STK3: variants seen among roughly 807,000 people sequenced by gnomAD.
STK3 encodes serine/threonine kinase 3.
In STK3, 41 loss-of-function variants were observed where a neutral mutation model predicts 58.0. That is an observed-to-expected ratio of 0.71 (90% CI 0.55 to 0.92). STK3 has a LOEUF of 0.92. STK3 is among the 40% of genes least tolerant of loss of function. The pLI, the probability that STK3 is intolerant of heterozygous loss-of-function variation, is 0.00. For synonymous variants in STK3, 170 were observed against 191.0 expected (o/e 0.89, Z 0.91); for missense variants, 479 against 602.7 (o/e 0.79, Z 2.15).
At chr8:98,404,278 T>C (rs538321803) in intron 3 of STK3, among the ~76,000 whole-genome samples, 87 of 152,314 alleles carry the variant, frequency 5.7e-4, no homozygotes, top group Non-Finnish European at 1.1e-3. Flanking sequence ...GGTTCATGCC[T>C]GTAATCTCAG....
At chr8:98,452,756 GAT>G (rs1491274366), downstream of STK3, among the ~76,000 whole-genome samples, 2 of 106,474 alleles carry the variant, frequency 1.9e-5, no homozygotes, top group South Asian at 3.3e-4. Flanking sequence ...TAGACTTGAA[GAT>G]TTTTTTTTTT....
intron 1 of STK3, among the ~76,000 whole-genome samples, chr8:98,893,528 GAAAGAA>G (rs1838333530): frequency 7.5e-6 from 1 of 132,712 alleles, no homozygotes; most frequent in South Asian, 2.5e-4. Context: ...AAGAAAGAAA[GAAAGAA>G]AGAAAAAGAA....
intron 3 of STK3, among the ~76,000 whole-genome samples, chr8:98,852,978 C>T (rs1027797972): frequency 6.6e-6 from 1 of 151,962 alleles, no homozygotes; most frequent in Admixed American, 6.6e-5. Flanking sequence ...GGAATAAAGG[C>T]TCAGCTTTTA....
chr8:98,847,300 GC>G, intron 3 of STK3, among the ~76,000 whole-genome samples: 1 of 152,254 alleles, frequency 6.6e-6, no homozygotes, highest in Non-Finnish European at 1.5e-5. Flanking sequence ...ATTTCCAGTG[GC>G]CACCATTCTA....
chr8:98,617,540 G>T (rs1817860076), intron 6 of STK3, among the ~76,000 whole-genome samples: 1 of 150,616 alleles, frequency 6.6e-6, no homozygotes, highest in Non-Finnish European at 1.5e-5. Context: ...TTTTTGAAAG[G>T]ATCAACAAAA....
chr8:98,388,025 C>CT (rs1263351769), intron 1 of STK3, among the ~76,000 whole-genome samples: 1 of 151,968 alleles, frequency 6.6e-6, no homozygotes, highest in Non-Finnish European at 1.5e-5. Context: ...AATTTGAGCA[C>CT]TGAAATGAAC....
In STK3 at chr8:98,605,665, C is replaced by G. The variant is rs180974687; in HGVS notation, c.685-9496G>C. On this transcript the variant is annotated intron_variant, in intron 6 of 10. Transcript: ENST00000419617. ...CACAAATGTAGTGGTTCATACAACA[C>G]AAGTTTATTATCTTACAGCTCTTTA... 8.0e-4 allele frequency among the ~76,000 whole-genome samples: 122 copies of G among 152,166 alleles called. 1 individual carries two copies. The highest frequency in any genetic ancestry group is 2.9e-3 in the African/African-American group (119 of 41,526).
At chr8:98,856,639 A>ATGTC (rs1181692313) in intron 3 of STK3, among the ~76,000 whole-genome samples, 1 of 152,240 alleles carries the variant, frequency 6.6e-6, no homozygotes, top group Non-Finnish European at 1.5e-5. Context: ...TTTGGAAGAC[A>ATGTC]GTCTGGGTGC....
intron 1 of STK3, among the ~76,000 whole-genome samples, chr8:98,888,545 A>C (rs1230574641): frequency 6.6e-6 from 1 of 152,178 alleles, no homozygotes; most frequent in East Asian, 1.9e-4. Flanking sequence ...CATTTTCTCC[A>C]AAGTAAATCT....
chr8:98,894,140 A>G (rs144830688), intron 1 of STK3, among the ~76,000 whole-genome samples: 205 of 152,276 alleles, frequency 1.3e-3, no homozygotes, highest in African/African-American at 4.6e-3. Flanking sequence ...AGCCTCAGAC[A>G]TGAGCCCCCA....
At chr8:98,575,919 T>C (rs1472264426) in intron 8 of STK3, among the ~76,000 whole-genome samples, 2 of 152,250 alleles carry the variant, frequency 1.3e-5, no homozygotes, top group Admixed American at 1.3e-4. Flanking sequence ...TTATCTTTTT[T>C]GTTATTTCTG....
chr8:98,618,011 AAAG>A (rs1268283022), intron 6 of STK3, among the ~76,000 whole-genome samples: 1 of 152,046 alleles, frequency 6.6e-6, no homozygotes, highest in African/African-American at 2.4e-5. Flanking sequence ...ACACAACCAA[AAAG>A]AAGAATTTTA....
chr8:98,692,787 TATAA>T, intron 6 of STK3, among the ~76,000 whole-genome samples: 1 of 152,052 alleles, frequency 6.6e-6, no homozygotes. Flanking sequence ...ACTTATACTA[TATAA>T]ATGTTAATCT....
At position 98,469,975 on chromosome 8, in the gene STK3, CA is replaced by C. The variant is rs1194505783; in HGVS notation, c.1318-13976del. Among the ~76,000 whole-genome samples, 16 of 152,244 alleles carry C rather than the reference CA, an allele frequency of 1.1e-4. No individual in the cohort carries two copies. In the East Asian group the frequency reaches 3.1e-3, roughly 29 times the overall value. On this transcript the variant is annotated intron_variant, in intron 10 of 10. Transcript: ENST00000419617. ...TCTGAAACTGGTTTATATTCACATA[CA>C]ATATATGTAACTCTCAATCTGAAAT...
At chr8:98,909,787 T>C (rs1839060702) in intron 1 of STK3, among the ~76,000 whole-genome samples, 2 of 152,276 alleles carry the variant, frequency 1.3e-5, no homozygotes, top group Admixed American at 6.5e-5. Flanking sequence ...TTTCCAGCTT[T>C]TGGCTATTAT....
intron 8 of STK3, among the ~76,000 whole-genome samples, chr8:98,570,042 TA>T (rs1812836491): frequency 6.8e-6 from 1 of 147,022 alleles, no homozygotes; most frequent in African/African-American, 2.5e-5. Context: ...TTAATAAAAA[TA>T]AAAATATTAA....
At chr8:98,794,549 A>C (rs889624270) in intron 1 of STK3, among the ~76,000 whole-genome samples, 3 of 152,166 alleles carry the variant, frequency 2.0e-5, no homozygotes, top group Non-Finnish European at 4.4e-5. Flanking sequence ...AACCAAAAAA[A>C]TCCCTGGACC....
At chr8:98,407,187 A>G (rs1818001753) in intron 3 of STK3, among the ~76,000 whole-genome samples, 1 of 152,166 alleles carries the variant, frequency 6.6e-6, no homozygotes, top group Non-Finnish European at 1.5e-5. Flanking sequence ...TAAGCATAGA[A>G]TTTCCCTTCT....
chr8:98,671,600 G>A (rs2130844707), intron 6 of STK3, among the ~76,000 whole-genome samples: 1 of 151,370 alleles, frequency 6.6e-6, no homozygotes. Flanking sequence ...GTTTTTTTGG[G>A]ACAGGGTCTC....
Sources: gnomAD v4.1 joint callset for allele counts (sites outside exome capture counted in the v4.1 genomes callset) on GRCh38, gnomAD v4.1.1 for gene constraint, MANE v1.5 for transcripts, NCBI Gene and HGNC (gene_info 2026-07-23, HGNC 2026-07-21) for gene names.